The following VWA8 variants were observed in gnomAD, a reference collection of about 807,000 sequenced individuals.
VWA8 encodes von Willebrand factor A domain containing 8.
VWA8 carries 221 observed loss-of-function variants against 241.5 expected under a neutral mutation model. That is an observed-to-expected ratio of 0.91 (90% confidence interval 0.82 to 1.02). The LOEUF (loss-of-function observed/expected upper bound fraction) is 1.02, where lower values mean the gene tolerates loss of function less well. VWA8 is among the 50% of genes least tolerant of loss of function. The probability of loss-of-function intolerance (pLI) is 0.00; values close to 1 mark genes in which losing one functional copy is unlikely to be tolerated. For synonymous variants in VWA8, 852 were observed against 827.1 expected (o/e 1.03, Z -0.52); for missense variants, 2,322 against 2,328.7 (o/e 1.00, Z 0.06).
At chr13:41,788,859 C>T (rs1869324163) in intron 17 of VWA8, among the ~76,000 whole-genome samples, 1 of 152,154 alleles carries the variant, frequency 6.6e-6, no homozygotes, top group African/African-American at 2.4e-5. Flanking sequence ...TCCCAGGCTT[C>T]CCCAACACGT....
intron 9 of VWA8, among the ~76,000 whole-genome samples, chr13:41,882,208 C>T (rs1196213854): frequency 1.1e-4 from 17 of 151,324 alleles, no homozygotes; most frequent in Admixed American, 1.1e-3. Context: ...AGACGATGGG[C>T]GGCCGGGCAG....
intron 20 of VWA8, among the ~76,000 whole-genome samples, chr13:41,774,155 T>C (rs1468182841): frequency 6.6e-6 from 1 of 152,178 alleles, no homozygotes; most frequent in Non-Finnish European, 1.5e-5. Context: ...TTATTATTTT[T>C]TTGATATGGA....
At chr13:41,685,270 T>C (rs2045128191) in intron 34 of VWA8, 28 bp from the exon 35 acceptor site, 2 of 1,597,202 alleles carry the variant, frequency 1.3e-6, no homozygotes, top group South Asian at 2.2e-5. Context: ...ATTAAAGTAC[T>C]GAAGTACCAT....
At chr13:41,710,079 G>A (rs2137836390) in intron 26 of VWA8, among the ~76,000 whole-genome samples, 1 of 152,218 alleles carries the variant, frequency 6.6e-6, no homozygotes, top group Non-Finnish European at 1.5e-5. Flanking sequence ...TCTGGTAAAT[G>A]AAAGAATGCT....
chr13:41,847,531 G>C (rs1210418545), intron 12 of VWA8, among the ~76,000 whole-genome samples: 1 of 152,180 alleles, frequency 6.6e-6, no homozygotes, highest in African/African-American at 2.4e-5. Flanking sequence ...AGCAGGAAGG[G>C]AGAAGGCTGA....
intron 37 of VWA8, among the ~76,000 whole-genome samples, chr13:41,625,796 G>A (rs1473287523): frequency 6.6e-6 from 1 of 151,542 alleles, no homozygotes; most frequent in Non-Finnish European, 1.5e-5. Context: ...TGTTTATTGC[G>A]GCACTATTCA....
chr13:41,624,748 C>T (rs2044678194), intron 37 of VWA8, among the ~76,000 whole-genome samples: 1 of 152,224 alleles, frequency 6.6e-6, no homozygotes, highest in Admixed American at 6.5e-5. Context: ...AAAGCATTCT[C>T]TTTGAGAATC....
At chr13:41,739,363 G>A (rs1269287139) in intron 21 of VWA8, among the ~76,000 whole-genome samples, 7 of 152,098 alleles carry the variant, frequency 4.6e-5, no homozygotes, top group Admixed American at 1.3e-4. Flanking sequence ...GGGGAGTCAC[G>A]CTCTCTAGGA....
intron 37 of VWA8, among the ~76,000 whole-genome samples, chr13:41,661,331 G>A (rs2044948874): frequency 1.3e-5 from 2 of 152,148 alleles, no homozygotes; most frequent in African/African-American, 4.8e-5. Context: ...TAACTCCACT[G>A]GCATTTTCAG....
intron 12 of VWA8, among the ~76,000 whole-genome samples, chr13:41,841,673 C>G (rs1203934674): frequency 2.0e-5 from 3 of 148,182 alleles, no homozygotes; most frequent in Non-Finnish European, 4.5e-5. Flanking sequence ...GTAGTCCCAG[C>G]TACTCGGGAG....
At chr13:41,759,063 C>G (rs1312213020) in intron 21 of VWA8, among the ~76,000 whole-genome samples, 2 of 151,528 alleles carry the variant, frequency 1.3e-5, no homozygotes, top group Non-Finnish European at 3.0e-5. Context: ...GATTTGTTAA[C>G]ATTTGTTAAA....
At chr13:41,591,132 TGTAAGCCCA>T (rs2044451885) in intron 40 of VWA8, among the ~76,000 whole-genome samples, 1 of 152,218 alleles carries the variant, frequency 6.6e-6, no homozygotes, top group South Asian at 2.1e-4. Flanking sequence ...TAACATTGTC[TGTAAGCCCA>T]GAGAAAATGT....
At chr13:41,585,337 C>T (rs1006094188) in intron 42 of VWA8, among the ~76,000 whole-genome samples, 5 of 152,214 alleles carry the variant, frequency 3.3e-5, no homozygotes, top group African/African-American at 1.2e-4. Flanking sequence ...ACTTTGCCAC[C>T]TTCTTCCCTG....
chr13:41,846,464 T>G (rs950861593), intron 12 of VWA8, among the ~76,000 whole-genome samples: 11 of 152,284 alleles, frequency 7.2e-5, no homozygotes, highest in African/African-American at 2.6e-4. Context: ...GAGTAAAATA[T>G]CTTTAGAATT....
intron 26 of VWA8, among the ~76,000 whole-genome samples, chr13:41,718,469 T>C (rs1325725548): frequency 2.6e-5 from 4 of 151,954 alleles, no homozygotes; most frequent in Admixed American, 6.6e-5. Context: ...ACCCAGTCAT[T>C]CTTCTGGAAA....
chr13:41,732,135 A>G lies in VWA8; in HGVS notation c.2447T>C (p.Leu816Pro). The change falls in exon 22 of 45, where the codon CTT (leucine) becomes CCT (proline). Residue 816 changes from leucine to proline, a missense_variant. Transcript: ENST00000379310. The stretch of plus-strand genomic sequence containing the variant: ...GTCTTTAACCGAAGGCTGAAGCGTA[A>G]GAGTTTGTACTGTGGTATCCCTAAA... ...QLHRDTTVQT[L>P]TLQPSVKDGL... is the part of the protein sequence containing the mutation. 6.2e-7 allele frequency: 1 copy of G among 1,613,266 alleles called. No individual in the cohort carries two copies. The highest frequency in any genetic ancestry group is 8.5e-7 in the Non-Finnish European group (1 of 1,179,554).
intron 37 of VWA8, among the ~76,000 whole-genome samples, chr13:41,632,187 C>T (rs1007792749): frequency 2.0e-5 from 3 of 152,186 alleles, no homozygotes; most frequent in Non-Finnish European, 2.9e-5. Flanking sequence ...TTTAATGCCA[C>T]GTACTTCATT....
At chr13:41,667,187 C>G (rs1212962569) in intron 37 of VWA8, among the ~76,000 whole-genome samples, 1 of 152,144 alleles carries the variant, frequency 6.6e-6, no homozygotes, top group Non-Finnish European at 1.5e-5. Flanking sequence ...TAATATCCAA[C>G]TGAGATCTTC....
chr13:41,792,892 T>A (rs1869523180), intron 17 of VWA8, among the ~76,000 whole-genome samples: 1 of 152,114 alleles, frequency 6.6e-6, no homozygotes, highest in African/African-American at 2.4e-5. Context: ...ATAGGAAATG[T>A]CATTGATTTG....
Sources: gnomAD v4.1 joint callset for allele counts (sites outside exome capture counted in the v4.1 genomes callset) on GRCh38, gnomAD v4.1.1 for gene constraint, MANE v1.5 for transcripts, NCBI Gene and HGNC (gene_info 2026-07-23, HGNC 2026-07-21) for gene names.